The following ORC4 variants were observed in gnomAD, a reference collection of about 807,000 sequenced individuals.
The protein encoded by ORC4 is origin recognition complex subunit 4, also known as origin recognition complex, subunit 4 homolog.
Under a neutral mutation model 63.9 loss-of-function variants are expected in ORC4, and 55 were observed. The ratio of observed to expected loss-of-function variants is 0.86; its 90% CI spans 0.69 to 1.08. The LOEUF is 1.08. Ranked by LOEUF, ORC4 falls within the 50% of genes least tolerant of loss-of-function variation. The pLI, the probability that ORC4 is intolerant of heterozygous loss-of-function variation, is 0.00. For synonymous variants in ORC4, 150 were observed against 168.5 expected, an observed-to-expected ratio of 0.89 and a Z score of 0.85; for missense variants, 511 against 504.4, an observed-to-expected ratio of 1.01 and a Z score of -0.13.
intron 1 of ORC4, among the ~76,000 whole-genome samples, chr2:148,015,674 CTT>C (rs372478805): frequency 2.1e-5 from 3 of 142,462 alleles, no homozygotes; most frequent in Non-Finnish European, 1.6e-5. Context: ...GCATTTCTTG[CTT>C]TTTTTTTTTG....
chr2:148,021,484 C>T, upstream of ORC4: 2 of 564,074 alleles, frequency 3.5e-6, no homozygotes. Flanking sequence ...GCTGCTGTTG[C>T]TGCTGCTGCT....
At chr2:147,966,510 G>T (rs948247154) in intron 4 of ORC4, among the ~76,000 whole-genome samples, 1 of 151,752 alleles carries the variant, frequency 6.6e-6, no homozygotes, top group African/African-American at 2.4e-5. Flanking sequence ...AATGAGAAAA[G>T]AAAAAGGAGA....
intron 1 of ORC4, among the ~76,000 whole-genome samples, chr2:147,983,455 G>A (rs1691007496): frequency 6.6e-6 from 1 of 152,170 alleles, no homozygotes; most frequent in Non-Finnish European, 1.5e-5. Context: ...AGAATCCCAT[G>A]AGTTCAACAC....
intron 2 of ORC4, 89 bp downstream of exon 2, chr2:147,975,813 A>C: frequency 7.2e-6 from 6 of 834,452 alleles, no homozygotes; most frequent in Non-Finnish European, 6.3e-6. Flanking sequence ...CTAAATGCTA[A>C]AGGGAAAATT....
intron 7 of ORC4, 123 bp downstream of exon 7, chr2:147,955,224 T>C (rs950983194): frequency 3.0e-6 from 2 of 670,472 alleles, no homozygotes; most frequent in Non-Finnish European, 5.3e-6. Context: ...TTGTATTCTT[T>C]TTAATGTTTC....
intron 6 of ORC4, among the ~76,000 whole-genome samples, chr2:147,957,790 C>T (rs1156267765): frequency 4.0e-5 from 6 of 151,862 alleles, no homozygotes; most frequent in Non-Finnish European, 1.5e-5. Context: ...AAAATAACGC[C>T]CAATTAACAT....
At chr2:147,963,088 A>G (rs932952928) in intron 4 of ORC4, among the ~76,000 whole-genome samples, 1 of 152,032 alleles carries the variant, frequency 6.6e-6, no homozygotes, top group African/African-American at 2.4e-5. Flanking sequence ...CAAACCTGAC[A>G]AACAGCACAG....
chr2:148,008,334 T>C (rs1467758932), intron 1 of ORC4, among the ~76,000 whole-genome samples: 1 of 152,182 alleles, frequency 6.6e-6, no homozygotes, highest in African/African-American at 2.4e-5. Context: ...AACTCTACCT[T>C]ATCTAGAGAA....
intron 1 of ORC4, among the ~76,000 whole-genome samples, chr2:147,995,720 G>C (rs1313976713): frequency 6.6e-6 from 1 of 152,020 alleles, no homozygotes; most frequent in Non-Finnish European, 1.5e-5. Context: ...AAGTTAGCGA[G>C]ACCACGAACC....
intron 4 of ORC4, among the ~76,000 whole-genome samples, chr2:147,967,526 G>A (rs968155839): frequency 6.6e-6 from 1 of 151,102 alleles, no homozygotes. Context: ...AAATCAAGAA[G>A]GCAATCCCAT....
intron 9 of ORC4, among the ~76,000 whole-genome samples, chr2:147,945,808 A>C (rs929579971): frequency 2.0e-5 from 3 of 152,040 alleles, no homozygotes; most frequent in Non-Finnish European, 4.4e-5. Context: ...CACTAAGAGA[A>C]AGAATAGCTC....
Position 147,938,221 on chromosome 2 carries a change from G to A in ORC4, c.1055-8C>T, listed in dbSNP as rs765173926. 3.7e-6 allele frequency: 6 copies of A among 1,611,422 alleles called. No homozygotes were observed. Among genetic ancestry groups the A allele is most frequent in the Non-Finnish European group, 5.1e-6 (6 of 1,177,842 alleles). ...GAACAAACTTCTGAAACTCTGAGTAGAAAGCAATGACAACATTATACCTTC... is the reference window on the plus strand; with the variant it reads ...GAACAAACTTCTGAAACTCTGAGTAAAAAGCAATGACAACATTATACCTTC... On this transcript the variant is annotated splice_region_variant and splice_polypyrimidine_tract_variant and intron_variant, in intron 12 of 13. Transcript: ENST00000392857.
intron 1 of ORC4, among the ~76,000 whole-genome samples, chr2:147,988,157 C>G (rs1179398169): frequency 2.6e-5 from 4 of 151,374 alleles, no homozygotes; most frequent in African/African-American, 9.7e-5. Flanking sequence ...TATACATTGA[C>G]AAATTTTACT....
At chr2:147,939,290 G>T in intron 10 of ORC4, 42 bp from the exon 11 acceptor site, 2 of 1,262,874 alleles carry the variant, frequency 1.6e-6, no homozygotes, top group South Asian at 1.2e-5. Flanking sequence ...GTATTTACAT[G>T]GGCATTTTGG....
At chr2:148,010,766 A>G (rs1400880547) in intron 1 of ORC4, among the ~76,000 whole-genome samples, 1 of 152,074 alleles carries the variant, frequency 6.6e-6, no homozygotes, top group Non-Finnish European at 1.5e-5. Context: ...ACATTTAAAG[A>G]AGAACTAACA....
Position 147,948,179 on chromosome 2 carries a change from G to C in ORC4, c.634C>G (p.His212Asp). The stretch of plus-strand genomic sequence containing the variant: ...GAATTCATTAAGTGTATCTGCCGGT[G>C]AGAAAATCTTGACTTCACTCTTTTT... ...LEKRVKSRFS[H>D]RQIHLMNSFG... The change falls in exon 9 of 14, where the codon CAC (histidine) becomes GAC (aspartate). Residue 212 changes from histidine to aspartate, a missense_variant. His to Asp is a moderately conservative substitution (Grantham distance 81). Transcript: ENST00000392857. 2 of 1,610,014 alleles carry C rather than the reference G, an allele frequency of 1.2e-6. No individual in the cohort carries two copies. The highest frequency in any genetic ancestry group is 1.7e-6 in the Non-Finnish European group (2 of 1,177,308).
intron 1 of ORC4, among the ~76,000 whole-genome samples, chr2:147,985,411 T>G (rs2105380722): frequency 6.6e-6 from 1 of 152,310 alleles, no homozygotes; most frequent in South Asian, 2.1e-4. Flanking sequence ...TTAGCCAGGA[T>G]AGTCTCGATT....
chr2:147,943,505 TC>T lies in ORC4; in HGVS notation c.779del (p.Arg260LysfsTer24). 1.3e-6 allele frequency: 2 copies of T among 1,590,388 alleles called. No homozygotes were observed. The highest frequency in any genetic ancestry group is 2.2e-5 in the South Asian group (2 of 90,534). On this transcript the variant is annotated frameshift_variant, in exon 10 of 14. Coordinates refer to ENST00000392857, the MANE Select transcript of ORC4 (RefSeq NM_181741.4). LOFTEE classifies it high-confidence loss of function. ...GCTTCTGTAGTACTTCTTGCACACT[TC>T]TATCTTCTGAGAGATACTAAAAGGA... ...NENVQYLSED[R>X]SVQEVLQKHF...
At chr2:147,973,415 G>A (rs1558853477) in intron 3 of ORC4, 33 bp downstream of exon 3, 3 of 1,271,924 alleles carry the variant, frequency 2.4e-6, no homozygotes, top group Non-Finnish European at 2.3e-6. Context: ...CTGTAAGTAG[G>A]TCCATAACAG....
Sources: gnomAD v4.1 joint callset for allele counts (sites outside exome capture counted in the v4.1 genomes callset) on GRCh38, gnomAD v4.1.1 for gene constraint, MANE v1.5 for transcripts, NCBI Gene and HGNC (gene_info 2026-07-23, HGNC 2026-07-21) for gene names.